The following ASPSCR1 variants were observed in gnomAD, a reference collection of about 807,000 sequenced individuals.
ASPSCR1 encodes ASPSCR1 tether for SLC2A4, UBX domain containing.
Under a neutral mutation model 68.9 loss-of-function variants are expected in ASPSCR1, and 55 were observed. The observed-to-expected ratio is 0.80, with a 90% CI of 0.64 to 1.00. The LOEUF is 1.00. Ranked by LOEUF, ASPSCR1 falls within the 50% of genes least tolerant of loss-of-function variation. ASPSCR1 has a pLI of 0.00. For synonymous variants in ASPSCR1, 352 were observed against 332.6 expected (o/e 1.06, Z -0.63); for missense variants, 765 against 762.2 (o/e 1.00, Z -0.04).
intron 2 of ASPSCR1, among the ~76,000 whole-genome samples, chr17:81,980,804 C>T (rs1307334544): frequency 6.6e-6 from 1 of 152,122 alleles, no homozygotes; most frequent in Non-Finnish European, 1.5e-5. Flanking sequence ...TGCCTCTTCA[C>T]GGGTCCTATG....
intron 13 of ASPSCR1, 25 bp from the exon 14 acceptor site, chr17:82,016,774 CA>C (rs2043142310): frequency 1.1e-5 from 18 of 1,603,576 alleles, no homozygotes; most frequent in Non-Finnish European, 1.4e-5. Context: ...CTCAGAGGCT[CA>C]GGGTGAGCTT....
chr17:81,990,696 A>G lies in ASPSCR1; in HGVS notation c.375-4125A>G, dbSNP rs1239783228. ...CGCATGAGATGGAAATGAGGATTTC[A>G]TGGCCTACGGGCCCTGGGGGTACAC... is the stretch of plus-strand genomic sequence containing the variant. On this transcript the variant is annotated intron_variant, in intron 4 of 15. Coordinates refer to ENST00000306739, the MANE Select transcript of ASPSCR1 (RefSeq NM_024083.4). The surrounding 1 kb of genome is among the most constrained non-coding windows in gnomAD (Gnocchi z 4.1). Among the ~76,000 whole-genome samples the G allele has an allele frequency of 1.3e-5, 2 of 152,222 alleles. No individual in the cohort carries two copies. Among genetic ancestry groups the G allele is most frequent in the Non-Finnish European group, 1.5e-5 (1 of 68,042 alleles).
At chr17:82,015,675 G>T (rs971223018) in intron 12 of ASPSCR1, 4 of 387,898 alleles carry the variant, frequency 1.0e-5, no homozygotes, top group South Asian at 9.9e-5. Context: ...GTGAGCAGCC[G>T]CAGCCTGGGT....
chr17:82,011,018 G>A, intron 10 of ASPSCR1, 150 bp downstream of exon 10: 2 of 900,028 alleles, frequency 2.2e-6, no homozygotes, highest in Non-Finnish European at 3.3e-6. Flanking sequence ...CCCCTTGGGG[G>A]TGCAGAGGCA....
At chr17:82,014,854 C>T (rs985032445) in intron 12 of ASPSCR1, 16 of 613,186 alleles carry the variant, frequency 2.6e-5, no homozygotes, top group Admixed American at 1.2e-4. Context: ...GTGTCCTGGG[C>T]GGCAGCTAGG....
Position 82,009,047 on chromosome 17 carries a change from G to C in ASPSCR1, c.944G>C (p.Arg315Pro). The change falls in exon 8 of 16, where the codon CGG becomes CCG. Residue 315 changes from arginine to proline, a missense_variant. Transcript: ENST00000306739. Reference sequence around the variant, plus strand: ...GCCCTCTGCCTCCAGCCCGTGGACCGGGAGCCCGTGGACCGGGAGCCGGTG... The same window carrying C: ...GCCCTCTGCCTCCAGCCCGTGGACCCGGAGCCCGTGGACCGGGAGCCGGTG... ...QEQERERPVD[R>P]EPVDREPVVC... 3.2e-6 allele frequency: 5 copies of C among 1,545,398 alleles called. No homozygotes were observed. Among genetic ancestry groups the C allele is most frequent in the Non-Finnish European group, 4.4e-6 (5 of 1,145,800 alleles).
rs1199282231 is a variant in ASPSCR1 at position 81,983,613 on chromosome 17, A to T, written c.218A>T (p.Asn73Ile). 1 of 1,613,450 alleles carries T rather than the reference A, an allele frequency of 6.2e-7. No homozygotes were observed. The highest frequency in any genetic ancestry group is 8.5e-7 in the Non-Finnish European group (1 of 1,179,904). Residue 73 changes from asparagine to isoleucine, a missense_variant, in exon 3 of 16, where the codon AAT becomes ATT. Coordinates refer to ENST00000306739, the MANE Select transcript of ASPSCR1 (RefSeq NM_024083.4). The surrounding 1 kb of genome is among the most constrained non-coding windows in gnomAD (Gnocchi z 4.4). ...TGGAGATTTGCCAACCTGCCCAACA[A>T]TGCCAAGCTGGAGATGGTGCCCGCT... is the stretch of plus-strand genomic sequence containing the variant. ...LQWRFANLPN[N>I]AKLEMVPASR...
intron 4 of ASPSCR1, 35 bp downstream of exon 4, chr17:81,985,642 C>G: frequency 6.3e-7 from 1 of 1,589,368 alleles, no homozygotes; most frequent in Non-Finnish European, 8.6e-7. Flanking sequence ...CTTCCCTACC[C>G]TGTTTGCTGG....
Position 81,977,889 on chromosome 17 carries a change from C to A in ASPSCR1, c.102+141C>A. 1.8e-6 allele frequency: 1 copy of A among 542,154 alleles called. No individual in the cohort carries two copies. The highest frequency in any genetic ancestry group is 2.7e-6 in the Non-Finnish European group (1 of 376,312). The allele number at this position is 542,154 out of a possible 1,614,324, so 33.6% of individuals were successfully genotyped here. On this transcript the variant is annotated intron_variant, in intron 1 of 15. Coordinates refer to ENST00000306739, the MANE Select transcript of ASPSCR1 (RefSeq NM_024083.4). The surrounding 1 kb of genome is among the most constrained non-coding windows in gnomAD (Gnocchi z 5.0). ...CGGCCTCCTGAGCGGCGGCCCCGCC[C>A]CCTGCTCGCCGTCACCTGCGCTTCC... is the stretch of plus-strand genomic sequence containing the variant.
At chr17:82,014,874 G>A in intron 12 of ASPSCR1, 1 of 676,900 alleles carries the variant, frequency 1.5e-6, no homozygotes, top group Non-Finnish European at 2.4e-6. Context: ...GGAGGGGCCG[G>A]CTCCAGGCCC....
rs544163418 is a variant in ASPSCR1 at position 82,015,702 on chromosome 17, C to T, written c.1354-774C>T. The stretch of plus-strand genomic sequence containing the variant: ...AGCCTGGGTGTGAATCTTGGAGGCC[C>T]GGTGGTGGCGGAGCATGCTCTCCAT... On this transcript the variant is annotated intron_variant, in intron 12 of 15. Transcript: ENST00000306739. 1.4e-3 allele frequency: 459 copies of T among 318,116 alleles called. 1 individual carries two copies. The highest frequency in any genetic ancestry group is 2.4e-3 in the Non-Finnish European group (399 of 169,460). The allele number at this position is 318,116 out of a possible 1,614,324, so 19.7% of individuals were successfully genotyped here. A position where few individuals can be genotyped will look rare whatever the true frequency, so the allele number is the denominator to read the frequency against.
At chr17:81,996,394 T>C in intron 6 of ASPSCR1, 26 bp from the exon 7 acceptor site, 1 of 1,554,446 alleles carries the variant, frequency 6.4e-7, no homozygotes, top group Non-Finnish European at 8.7e-7. Context: ...CACAAGGTGC[T>C]TCCCTTGTCC....
chr17:82,014,792 C>CT, intron 12 of ASPSCR1: 1 of 514,568 alleles, frequency 1.9e-6, no homozygotes, highest in Middle Eastern at 5.2e-4. Flanking sequence ...CCTGGCAACA[C>CT]TGAGTGGGGC....
rs73356119 is a variant in ASPSCR1 at position 81,997,230 on chromosome 17, G to C, written c.933+384G>C. ...CACAGAGCAGGGCCGCCCTGGGGTG[G>C]TGCATGGAGGGCAGCAGCTCAGGGC... On this transcript the variant is annotated intron_variant, in intron 7 of 15. Coordinates refer to ENST00000306739, the MANE Select transcript of ASPSCR1 (RefSeq NM_024083.4). Among the ~76,000 whole-genome samples the C allele has an allele frequency of 6.2e-3, 877 of 141,634 alleles. 5 individuals are homozygous for C. Among genetic ancestry groups the C allele is most frequent in the African/African-American group, 0.023 (810 of 35,098 alleles). The allele number at this position is 141,634 out of a possible 152,430, so 92.9% of individuals were successfully genotyped here. A position where few individuals can be genotyped will look rare whatever the true frequency, so the allele number is the denominator to read the frequency against.
At chr17:82,014,597 C>T (rs146112942) in intron 12 of ASPSCR1, 15 of 171,438 alleles carry the variant, frequency 8.7e-5, no homozygotes, top group East Asian at 3.3e-4. Context: ...CCCTCCCAGG[C>T]GCTGTGGTGC....
At chr17:81,996,218 C>T (rs900753159) in intron 6 of ASPSCR1, among the ~76,000 whole-genome samples, 153 bp downstream of exon 6, 2 of 151,684 alleles carry the variant, frequency 1.3e-5, no homozygotes, top group Non-Finnish European at 2.9e-5. Flanking sequence ...TGCCTGTGGG[C>T]GTGGGGGCTG....
intron 4 of ASPSCR1, among the ~76,000 whole-genome samples, chr17:81,988,805 C>A (rs1016499141): frequency 6.6e-6 from 1 of 152,120 alleles, no homozygotes; most frequent in African/African-American, 2.4e-5. Context: ...GCATCCCGGG[C>A]AGGGTTGCAG....
At chr17:82,015,299 G>C (rs762029802) in intron 12 of ASPSCR1, 1 of 1,598,160 alleles carries the variant, frequency 6.3e-7, no homozygotes. Context: ...CCCCTCGTCC[G>C]AGCAGTGGCG....
intron 5 of ASPSCR1, 178 bp downstream of exon 5, chr17:81,995,056 C>T (rs188275204): frequency 1.3e-5 from 8 of 614,664 alleles, no homozygotes; most frequent in Admixed American, 1.0e-4. Flanking sequence ...CGGGCTGCCC[C>T]GAAACCTCCC....
Sources: gnomAD v4.1 joint callset for allele counts (sites outside exome capture counted in the v4.1 genomes callset) on GRCh38, gnomAD v4.1.1 for gene constraint, Gnocchi (gnomAD v3.1) non-coding constraint, MANE v1.5 for transcripts, NCBI Gene and HGNC (gene_info 2026-07-23, HGNC 2026-07-21) for gene names.